Variants in PCSK1 observed in about 807,000 individuals in gnomAD.
PCSK1 encodes the protein proprotein convertase subtilisin/kexin type 1, also known as neuroendocrine convertase 1.
In PCSK1, 56 loss-of-function variants were observed where a neutral mutation model predicts 90.6. The observed-to-expected ratio is 0.62, with a 90% CI of 0.50 to 0.77. The LOEUF (loss-of-function observed/expected upper bound fraction) is 0.77, where lower values mean the gene tolerates loss of function less well. Ranked by LOEUF, PCSK1 falls within the 30% of genes least tolerant of loss-of-function variation. The probability of loss-of-function intolerance (pLI) is 0.00; values close to 1 mark genes in which losing one functional copy is unlikely to be tolerated. For missense variants in PCSK1, 801 were observed against 932.6 expected, an observed-to-expected ratio of 0.86 and a Z score of 1.84; for synonymous variants, 348 against 342.4, an observed-to-expected ratio of 1.02 and a Z score of -0.18.
intron 9 of PCSK1, among the ~76,000 whole-genome samples, chr5:96,405,565 G>A (rs943471072): frequency 2.8e-4 from 42 of 152,162 alleles, no homozygotes; most frequent in African/African-American, 9.2e-4. Flanking sequence ...CAGCTACTCA[G>A]GAGGCTGAGG....
At position 96,397,372 on chromosome 5, in the gene PCSK1, G is replaced by A. The variant is rs1051424287; in HGVS notation, c.1686C>T (p.Asn562=). Residue 562 remains asparagine, a synonymous_variant, in exon 12 of 14, where the codon AAC becomes AAT. Transcript: ENST00000311106. ...TTCTCAAAGTCCAAGTACCTATAGG[G>A]TTCTCTCCCCATGTGTGAACAGACA... The part of the protein sequence containing the change: ...DFMSVHTWGE[N]PIGTWTLRIT... 3 of 1,612,212 alleles carry A rather than the reference G, an allele frequency of 1.9e-6. No individual in the cohort carries two copies. Among genetic ancestry groups the A allele is most frequent in the African/African-American group, 2.7e-5 (2 of 74,860 alleles).
At chr5:96,420,224 G>T (rs978810408) in intron 5 of PCSK1, among the ~76,000 whole-genome samples, 17 of 152,324 alleles carry the variant, frequency 1.1e-4, no homozygotes, top group African/African-American at 2.9e-4. Context: ...ATGGAATAGA[G>T]GCAGAGAGAG....
At chr5:96,426,611 A>G (rs115689222) in intron 2 of PCSK1, among the ~76,000 whole-genome samples, 1 of 152,198 alleles carries the variant, frequency 6.6e-6, no homozygotes, top group Non-Finnish European at 1.5e-5. Flanking sequence ...ACAGCATAAT[A>G]CTATTATACT....
chr5:96,413,250 A>G (rs1471244161), intron 6 of PCSK1, among the ~76,000 whole-genome samples: 2 of 152,220 alleles, frequency 1.3e-5, no homozygotes, highest in African/African-American at 2.4e-5. Flanking sequence ...CATCAGGACA[A>G]TGTAGGTGCG....
Position 96,421,893 on chromosome 5 carries a change from T to C in PCSK1, c.607A>G (p.Thr203Ala), listed in dbSNP as rs749752010. ...ATATTTACTCACTTGTTCTCGTTTG[T>C]GGGATCATATCGGGGAAATGGATCA... ...DHDPFPRYDP[T>A]NENKHGTRCA... Residue 203 changes from threonine (T) to alanine (A), a missense_variant, in exon 5 of 14, where the codon ACA becomes GCA. Transcript: ENST00000311106. The C allele has an allele frequency of 1.3e-6, 2 of 1,558,324 alleles. No individual in the cohort carries two copies. Among genetic ancestry groups the C allele is most frequent in the East Asian group, 2.2e-5 (1 of 44,524 alleles).
chr5:96,392,917 A>T lies in PCSK1; in HGVS notation c.*84T>A. The T allele has an allele frequency of 1.5e-6, 2 of 1,378,688 alleles. No individual in the cohort carries two copies. The highest frequency in any genetic ancestry group is 1.0e-6 in the Non-Finnish European group (1 of 970,148). 85.4% of individuals were successfully genotyped at this position (1,378,688 alleles called of 1,614,324 possible). A position where few individuals can be genotyped will look rare whatever the true frequency, so the allele number is the denominator to read the frequency against. On this transcript the variant is annotated 3_prime_UTR_variant, in exon 14 of 14. Transcript: ENST00000311106. ...GATATTATAAGCATAAGAATTCATG[A>T]CAAAACAACCACTTCAGACACAGGC...
intron 9 of PCSK1, among the ~76,000 whole-genome samples, chr5:96,407,874 C>T (rs1357435142): frequency 2.0e-5 from 3 of 152,032 alleles, no homozygotes; most frequent in Non-Finnish European, 4.4e-5. Context: ...AAACAAAAGG[C>T]GTTGTAGCTG....
chr5:96,396,046 G>A (rs1296402241), intron 12 of PCSK1, among the ~76,000 whole-genome samples: 2 of 152,122 alleles, frequency 1.3e-5, no homozygotes, highest in Non-Finnish European at 2.9e-5. Flanking sequence ...TGGTGAAATT[G>A]AGTTGAAGAA....
At chr5:96,428,256 T>C (rs1424183163) in intron 2 of PCSK1, among the ~76,000 whole-genome samples, 1 of 152,140 alleles carries the variant, frequency 6.6e-6, no homozygotes, top group African/African-American at 2.4e-5. Flanking sequence ...CATACATATA[T>C]ATATATTTTC....
Position 96,433,173 on chromosome 5 carries a change from A to C in PCSK1, c.-131T>G. 1 of 874,434 alleles carries C rather than the reference A, an allele frequency of 1.1e-6. No homozygotes were observed. The highest frequency in any genetic ancestry group is 1.9e-6 in the Non-Finnish European group (1 of 532,912). 54.2% of individuals were successfully genotyped at this position (874,434 alleles called of 1,614,324 possible). A position where few individuals can be genotyped will look rare whatever the true frequency, so the allele number is the denominator to read the frequency against. On this transcript the variant is annotated 5_prime_UTR_variant, in exon 1 of 14. Coordinates refer to ENST00000311106, the MANE Select transcript of PCSK1 (RefSeq NM_000439.5). ...ACTCCTGGCTCCTGGTTGCTCTGCGAAGAGCTAGGAGGCGCGAGAGGAGAG... is the reference window on the plus strand; with the variant it reads ...ACTCCTGGCTCCTGGTTGCTCTGCGCAGAGCTAGGAGGCGCGAGAGGAGAG...
intron 5 of PCSK1, among the ~76,000 whole-genome samples, chr5:96,421,245 G>A (rs1761119571): frequency 6.6e-6 from 1 of 152,204 alleles, no homozygotes; most frequent in East Asian, 1.9e-4. Context: ...CCATAATGTG[G>A]CTTCAAGGGA....
intron 5 of PCSK1, 84 bp from the exon 6 acceptor site, chr5:96,416,205 T>C (rs752543582): frequency 1.1e-6 from 1 of 921,766 alleles, no homozygotes; most frequent in Non-Finnish European, 1.8e-6. Context: ...GGGGCATAGG[T>C]ATATTAACTT....
At chr5:96,429,446 T>G in intron 1 of PCSK1, 129 bp from the exon 2 acceptor site, 1 of 618,284 alleles carries the variant, frequency 1.6e-6, no homozygotes, top group South Asian at 1.9e-5. Flanking sequence ...GAAATTAATA[T>G]TTTTTTTCTT....
rs1580767584 is a variant in PCSK1, at chr5:96,425,107, C to G, written c.396+713G>C. Among the ~76,000 whole-genome samples the G allele has an allele frequency of 2.0e-5, 3 of 152,068 alleles. No individual in the cohort carries two copies. The South Asian group carries it at 6.2e-4, about 32-fold the overall frequency. Reference sequence around the variant, plus strand: ...GGTCAAGAGAAACTGATCCCCTTTTCTAACCCTTATGCAACAAGAGTATCA... The same window carrying G: ...GGTCAAGAGAAACTGATCCCCTTTTGTAACCCTTATGCAACAAGAGTATCA... On this transcript the variant is annotated intron_variant, in intron 3 of 13. Coordinates refer to ENST00000311106, the MANE Select transcript of PCSK1 (RefSeq NM_000439.5).
At chr5:96,411,081 T>C in intron 7 of PCSK1, 95 bp from the exon 8 acceptor site, 1 of 898,716 alleles carries the variant, frequency 1.1e-6, no homozygotes, top group South Asian at 1.3e-5. Context: ...TGTGTGAAAT[T>C]CTCAGAGACA....
chr5:96,402,298 C>T (rs571393430), intron 9 of PCSK1, among the ~76,000 whole-genome samples: 1 of 152,358 alleles, frequency 6.6e-6, no homozygotes, highest in African/African-American at 2.4e-5. Context: ...CCCATGCAGA[C>T]ACAGTGTGCA....
intron 6 of PCSK1, among the ~76,000 whole-genome samples, chr5:96,413,369 T>C (rs1760834435): frequency 6.6e-6 from 1 of 152,230 alleles, no homozygotes; most frequent in Non-Finnish European, 1.5e-5. Context: ...TACCTGGTTA[T>C]TTCTGGCTTC....
At chr5:96,407,812 C>T (rs1760623987) in intron 9 of PCSK1, among the ~76,000 whole-genome samples, 1 of 152,166 alleles carries the variant, frequency 6.6e-6, no homozygotes, top group Admixed American at 6.5e-5. Context: ...TAAACTTGTT[C>T]CTAATACTGC....
chr5:96,410,707 G>T, intron 8 of PCSK1, 67 bp downstream of exon 8: 1 of 1,255,400 alleles, frequency 8.0e-7, no homozygotes, highest in Non-Finnish European at 1.2e-6. Flanking sequence ...GTCAGTTAGG[G>T]GAATCATTTC....
Sources: allele counts gnomAD v4.1 joint callset (sites outside exome capture counted in the v4.1 genomes callset), GRCh38; gene constraint gnomAD v4.1.1; transcripts MANE v1.5; gene names NCBI Gene and HGNC (gene_info 2026-07-23, HGNC 2026-07-21).